Variants in UGGT2 observed in about 807,000 individuals in gnomAD.
UGGT2 encodes UDP-glucose glycoprotein glucosyltransferase 2, also known as UDP-glucose:glycoprotein glucosyltransferase 2.
In UGGT2, 180 loss-of-function variants were observed where a neutral mutation model predicts 192.1. The ratio of observed to expected loss-of-function variants is 0.94; its 90% confidence interval spans 0.83 to 1.06. The LOEUF (loss-of-function observed/expected upper bound fraction) is 1.06, where lower values mean the gene tolerates loss of function less well. UGGT2 is among the 50% of genes least tolerant of loss of function. UGGT2 has a pLI of 0.00. For missense variants in UGGT2, 1,849 were observed against 1,795.7 expected, an observed-to-expected ratio of 1.03 and a Z score of -0.54; for synonymous variants, 580 against 591.0, an observed-to-expected ratio of 0.98 and a Z score of 0.27.
At chr13:95,967,156 C>CTTT (rs35913234) in intron 12 of UGGT2, among the ~76,000 whole-genome samples, 1 of 140,176 alleles carries the variant, frequency 7.1e-6, no homozygotes. Context: ...CAGGCATAAC[C>CTTT]TTTTTTTTTT....
intron 1 of UGGT2, among the ~76,000 whole-genome samples, chr13:96,046,779 G>A (rs377241791): frequency 4.6e-5 from 7 of 152,196 alleles, no homozygotes; most frequent in Non-Finnish European, 8.8e-5. Context: ...CTAATACTGC[G>A]CTTTTCCAAC....
rs150344430 is a variant in UGGT2 at position 95,990,071 on chromosome 13, T to G, written c.833A>C (p.Glu278Ala). The G allele has an allele frequency of 1.3e-6, 2 of 1,586,458 alleles. No individual in the cohort carries two copies. The highest frequency in any genetic ancestry group is 1.7e-6 in the Non-Finnish European group (2 of 1,164,426). Reference protein sequence around the residue: ...VQGFLFGKLKEIYSDLRDNLT... With the variant: ...VQGFLFGKLKAIYSDLRDNLT... The stretch of plus-strand genomic sequence containing the variant: ...ATTATCTCTAAGATCTGAATATATT[T>G]CTCTGCATCAAAATATTAAGTGATG... Residue 278 changes from glutamate to alanine, a missense_variant and splice_region_variant, in exon 8 of 39, where the codon GAA (glutamate) becomes GCA (alanine). Glu to Ala is a moderately radical substitution (Grantham distance 107). Transcript: ENST00000376747.
At position 95,996,132 on chromosome 13, in the gene UGGT2, A is replaced by G; in HGVS notation, c.761T>C (p.Val254Ala). The change falls in exon 7 of 39, where the codon GTG becomes GCG. Residue 254 changes from valine to alanine, a missense_variant. By Grantham distance (64) the Val-to-Ala change is moderately conservative. Coordinates refer to ENST00000376747, the MANE Select transcript of UGGT2 (RefSeq NM_020121.4). The part of the protein sequence containing the change: ...KALDDTQVKT[V>A]TNTTVEDETE... The stretch of plus-strand genomic sequence containing the variant: ...CTCATCCTCTACAGTAGTATTAGTC[A>G]CAGCTACATTTTGGAAACAAAACCA... The G allele has an allele frequency of 6.2e-7, 1 of 1,607,092 alleles. No homozygotes were observed. Among genetic ancestry groups the G allele is most frequent in the Non-Finnish European group, 8.5e-7 (1 of 1,178,190 alleles).
At chr13:95,929,406 A>T (rs1194912344) in intron 17 of UGGT2, among the ~76,000 whole-genome samples, 1 of 152,190 alleles carries the variant, frequency 6.6e-6, no homozygotes, top group African/African-American at 2.4e-5. Context: ...CCAGGTAGTT[A>T]GCATAGTACC....
Position 95,940,101 on chromosome 13 carries a change from T to G in UGGT2, c.1678-10A>C, listed in dbSNP as rs760350921. 1.5e-5 allele frequency: 22 copies of G among 1,435,210 alleles called. No individual in the cohort carries two copies. In the Middle Eastern group the frequency reaches 5.4e-4, roughly 35 times the overall value. The allele number at this position is 1,435,210 out of a possible 1,614,324, so 88.9% of individuals were successfully genotyped here. On this transcript the variant is annotated splice_polypyrimidine_tract_variant and intron_variant, in intron 15 of 38. Transcript: ENST00000376747. ...TCACTTTTTGGTACATCTGTGAAAA[T>G]TTAGATATTATAATTAATTTTCTTC...
chr13:96,008,871 G>C (rs2052067052), intron 5 of UGGT2, among the ~76,000 whole-genome samples: 1 of 152,148 alleles, frequency 6.6e-6, no homozygotes, highest in Non-Finnish European at 1.5e-5. Flanking sequence ...CAGAATTAGA[G>C]AAAGCTATTT....
At chr13:96,050,313 T>G (rs985333021) in intron 1 of UGGT2, among the ~76,000 whole-genome samples, 3 of 152,180 alleles carry the variant, frequency 2.0e-5, no homozygotes, top group African/African-American at 7.2e-5. Flanking sequence ...TCCTTACACC[T>G]TATACAAAAA....
intron 12 of UGGT2, among the ~76,000 whole-genome samples, chr13:95,957,358 G>A (rs1372667629): frequency 1.3e-5 from 2 of 152,156 alleles, no homozygotes; most frequent in Admixed American, 6.5e-5. Context: ...TGACAATCTC[G>A]TGGGAACACA....
chr13:96,013,545 A>G (rs542891625), intron 4 of UGGT2, 64 bp from the exon 5 acceptor site: 11 of 1,115,262 alleles, frequency 9.9e-6, no homozygotes, highest in East Asian at 2.8e-5. Flanking sequence ...TCAATTCTGT[A>G]TAATTACTGC....
intron 1 of UGGT2, among the ~76,000 whole-genome samples, chr13:96,037,298 A>T (rs529507591): frequency 2.6e-4 from 40 of 152,324 alleles, no homozygotes; most frequent in Middle Eastern, 6.8e-3. Flanking sequence ...TCCCTGGTTC[A>T]AACAATTCTC....
intron 20 of UGGT2, among the ~76,000 whole-genome samples, chr13:95,923,639 A>G (rs2048920733): frequency 6.6e-6 from 1 of 152,238 alleles, no homozygotes; most frequent in Non-Finnish European, 1.5e-5. Flanking sequence ...TGACTGCATT[A>G]ATACCAACAG....
chr13:95,844,445 T>C (rs967042347), intron 36 of UGGT2, among the ~76,000 whole-genome samples: 2 of 152,224 alleles, frequency 1.3e-5, no homozygotes, highest in Admixed American at 1.3e-4. Flanking sequence ...CTTCCAACCA[T>C]GAACAAGGTA....
rs139758074 is a variant in UGGT2 at position 96,046,673 on chromosome 13, C to T, written c.158+6482G>A. Among the ~76,000 whole-genome samples the T allele has an allele frequency of 9.3e-3, 1,415 of 152,272 alleles. 28 individuals carry two copies. The highest frequency in any genetic ancestry group is 0.032 in the African/African-American group (1,349 of 41,538). ...TGTGAGCCGAAGCGGGGCAAGGCATCGCCTCACCCGGAAAGTGCAAGAGGT... is the reference window on the plus strand; with the variant it reads ...TGTGAGCCGAAGCGGGGCAAGGCATTGCCTCACCCGGAAAGTGCAAGAGGT... On this transcript the variant is annotated intron_variant, in intron 1 of 38. Coordinates refer to ENST00000376747, the MANE Select transcript of UGGT2 (RefSeq NM_020121.4).
At chr13:95,953,739 A>C (rs2050134829) in intron 12 of UGGT2, among the ~76,000 whole-genome samples, 1 of 152,118 alleles carries the variant, frequency 6.6e-6, no homozygotes, top group Middle Eastern at 3.4e-3. Context: ...CAAAAAAAAA[A>C]CTTGGTGAAT....
At chr13:95,820,080 C>T (rs1415925061) in intron 38 of UGGT2, among the ~76,000 whole-genome samples, 2 of 152,140 alleles carry the variant, frequency 1.3e-5, no homozygotes, top group Admixed American at 1.3e-4. Context: ...ATCACTTGAA[C>T]CTCGGAGGCA....
chr13:96,047,264 G>C (rs2053343379), intron 1 of UGGT2, among the ~76,000 whole-genome samples: 1 of 152,160 alleles, frequency 6.6e-6, no homozygotes, highest in African/African-American at 2.4e-5. Context: ...GCCCCTCTGA[G>C]ACGAAGCTTC....
At chr13:95,946,592 A>G (rs1218261757) in intron 15 of UGGT2, among the ~76,000 whole-genome samples, 1 of 151,994 alleles carries the variant, frequency 6.6e-6, no homozygotes, top group Non-Finnish European at 1.5e-5. Flanking sequence ...GCTGGTCTCG[A>G]GCTGCTGGTC....
intron 17 of UGGT2, among the ~76,000 whole-genome samples, chr13:95,928,333 C>T (rs959191900): frequency 1.3e-5 from 2 of 150,740 alleles, no homozygotes; most frequent in African/African-American, 2.4e-5. Flanking sequence ...GCTGGCCTGG[C>T]GAGGGCTGCC....
At chr13:95,985,191 CCATT>C (rs1298343375) in intron 9 of UGGT2, 2 of 872,020 alleles carry the variant, frequency 2.3e-6, no homozygotes, top group Non-Finnish European at 3.1e-6. Flanking sequence ...TTTATAACGG[CCATT>C]AATTAAAATA....
Sources: allele counts gnomAD v4.1 joint callset (sites outside exome capture counted in the v4.1 genomes callset), GRCh38; gene constraint gnomAD v4.1.1; transcripts MANE v1.5; gene names NCBI Gene and HGNC (gene_info 2026-07-23, HGNC 2026-07-21).